INPP4B: variants seen among roughly 807,000 people sequenced by gnomAD.
INPP4B encodes inositol polyphosphate-4-phosphatase type II B, also known as inositol polyphosphate 4-phosphatase type II.
Under a neutral mutation model 122.5 loss-of-function variants are expected in INPP4B, and 55 were observed. That is an observed-to-expected ratio of 0.45 (90% CI 0.36 to 0.56). INPP4B has a LOEUF of 0.56. INPP4B is among the 20% of genes least tolerant of loss of function. The pLI is 0.00. For synonymous variants in INPP4B, 403 were observed against 388.7 expected, an observed-to-expected ratio of 1.04 and a Z score of -0.43; for missense variants, 1,000 against 1,097.7, an observed-to-expected ratio of 0.91 and a Z score of 1.26.
At chr4:142,298,771 C>A (rs1275346816) in intron 9 of INPP4B, among the ~76,000 whole-genome samples, 1 of 150,186 alleles carries the variant, frequency 6.7e-6, no homozygotes, top group Non-Finnish European at 1.5e-5. Context: ...TACTTGATAT[C>A]ACGAACACTT....
chr4:142,374,910 A>C (rs1481738528), intron 7 of INPP4B, among the ~76,000 whole-genome samples: 1 of 151,896 alleles, frequency 6.6e-6, no homozygotes, highest in Non-Finnish European at 1.5e-5. Context: ...TTAAAAAATA[A>C]AAGCAGTGAC....
At chr4:142,317,606 T>A (rs1270837913) in intron 7 of INPP4B, 1 of 167,934 alleles carries the variant, frequency 6.0e-6, no homozygotes, top group Admixed American at 6.2e-5. Flanking sequence ...TCTTTAAATG[T>A]ACAAAGCATT....
chr4:142,694,077 T>A (rs191633829), intron 2 of INPP4B, among the ~76,000 whole-genome samples: 1,814 of 152,152 alleles, frequency 0.012, 36 homozygotes, highest in African/African-American at 0.033. Flanking sequence ...AAAAATTTTT[T>A]AAAAAAGAAA....
At chr4:142,351,187 T>C (rs1039534957) in intron 7 of INPP4B, among the ~76,000 whole-genome samples, 2 of 151,974 alleles carry the variant, frequency 1.3e-5, no homozygotes, top group Non-Finnish European at 2.9e-5. Context: ...TTCAGGTCTA[T>C]GGGTCTTGTC....
chr4:142,528,351 T>C (rs191869331), intron 2 of INPP4B, among the ~76,000 whole-genome samples: 1 of 152,134 alleles, frequency 6.6e-6, no homozygotes, highest in East Asian at 1.9e-4. Flanking sequence ...AAGGCCTAAA[T>C]AGAGAGGAAC....
intron 9 of INPP4B, among the ~76,000 whole-genome samples, chr4:142,274,804 A>G (rs1292905924): frequency 1.3e-5 from 2 of 151,824 alleles, no homozygotes; most frequent in African/African-American, 4.8e-5. Flanking sequence ...CATTTCAGAT[A>G]GTGTATTGCC....
At chr4:142,497,319 A>G (rs187611329) in intron 2 of INPP4B, among the ~76,000 whole-genome samples, 31 of 152,292 alleles carry the variant, frequency 2.0e-4, no homozygotes, top group Admixed American at 2.0e-3. Context: ...CAGCAATGCA[A>G]TATGATAAAT....
chr4:142,607,815 T>C (rs1741599025), intron 2 of INPP4B, among the ~76,000 whole-genome samples: 1 of 152,102 alleles, frequency 6.6e-6, no homozygotes, highest in Non-Finnish European at 1.5e-5. Flanking sequence ...GTTGAAGTCA[T>C]AAAGCCTGCT....
chr4:142,788,190 G>C (rs1345959553), intron 1 of INPP4B, among the ~76,000 whole-genome samples: 1 of 151,678 alleles, frequency 6.6e-6, no homozygotes, highest in Non-Finnish European at 1.5e-5. Context: ...TTAAAAAATA[G>C]GCAATATTAA....
chr4:142,551,691 A>G (rs1204399130), intron 2 of INPP4B, among the ~76,000 whole-genome samples: 2 of 152,330 alleles, frequency 1.3e-5, no homozygotes, highest in Admixed American at 6.5e-5. Flanking sequence ...CTGTAGCAGG[A>G]TGCTAGACTG....
chr4:142,222,588 G>A (rs1368542237), intron 12 of INPP4B, among the ~76,000 whole-genome samples: 1 of 152,138 alleles, frequency 6.6e-6, no homozygotes, highest in African/African-American at 2.4e-5. Flanking sequence ...TTATATGTTA[G>A]GTATTGTGCT....
intron 2 of INPP4B, among the ~76,000 whole-genome samples, chr4:142,508,017 C>G (rs1824233530): frequency 6.6e-6 from 1 of 151,994 alleles, no homozygotes; most frequent in African/African-American, 2.4e-5. Context: ...CCTTAGAAAA[C>G]TTAAGGTTGT....
intron 5 of INPP4B, chr4:142,427,289 T>C (rs1380477791): frequency 2.8e-6 from 1 of 353,856 alleles, no homozygotes; most frequent in Non-Finnish European, 5.0e-6. Flanking sequence ...TGAAATAATA[T>C]TTTTTTAGTA....
At chr4:142,688,221 G>A (rs867675415) in intron 2 of INPP4B, among the ~76,000 whole-genome samples, 28 of 152,098 alleles carry the variant, frequency 1.8e-4, no homozygotes, top group African/African-American at 6.8e-4. Context: ...TGTTTAGTAG[G>A]TAACTGAAGA....
intron 18 of INPP4B, among the ~76,000 whole-genome samples, chr4:142,125,489 G>A (rs192283532): frequency 6.6e-6 from 1 of 152,154 alleles, no homozygotes; most frequent in East Asian, 1.9e-4. Context: ...TGAGTCTCAG[G>A]TGAATTGAAC....
chr4:142,626,501 G>T (rs1746439839), intron 2 of INPP4B, among the ~76,000 whole-genome samples: 2 of 152,094 alleles, frequency 1.3e-5, no homozygotes, highest in Non-Finnish European at 2.9e-5. Context: ...AGGGGTCTCA[G>T]TTCTACAATC....
rs1269637356 is a variant in INPP4B at position 142,140,067 on chromosome 4, A to G, written c.1720+5773T>C. Among the ~76,000 whole-genome samples the G allele has an allele frequency of 3.3e-5, 5 of 152,326 alleles. No homozygotes were observed. The East Asian group carries it at 9.7e-4, about 29-fold the overall frequency. ...ATCAGATCCCAGGAGGAAATGTGGA[A>G]TGTGCCTTACAAGTTAAAAGGAAAC... On this transcript the variant is annotated intron_variant, in intron 18 of 25. Transcript: ENST00000262992.
rs577027775 is a variant in INPP4B at position 142,193,872 on chromosome 4, T to C, written c.1073-677A>G. On this transcript the variant is annotated intron_variant, in intron 14 of 25. Transcript: ENST00000262992. ...TCCTTTGATCTTGAAAGCCATGAAG[T>C]TTGATACATATTAAGTTTATGGCTT... Among the ~76,000 whole-genome samples the C allele has an allele frequency of 1.2e-3, 185 of 152,282 alleles. 1 individual carries two copies. Among genetic ancestry groups the C allele is most frequent in the Non-Finnish European group, 9.0e-4 (61 of 68,002 alleles).
At chr4:142,436,377 T>C (rs766418964) in intron 3 of INPP4B, among the ~76,000 whole-genome samples, 10 of 152,162 alleles carry the variant, frequency 6.6e-5, no homozygotes, top group Non-Finnish European at 1.2e-4. Context: ...TTCCCTCCAG[T>C]GCAGCACACC....
Sources: allele counts gnomAD v4.1 joint callset (sites outside exome capture counted in the v4.1 genomes callset), GRCh38; gene constraint gnomAD v4.1.1; transcripts MANE v1.5; gene names NCBI Gene and HGNC (gene_info 2026-07-23, HGNC 2026-07-21).